The following WDFY2 variants were observed in gnomAD, a reference collection of about 807,000 sequenced individuals.
WDFY2 encodes the protein WD repeat and FYVE domain-containing protein 2.
In WDFY2, 36 loss-of-function variants were observed where a neutral mutation model predicts 56.4. The observed-to-expected ratio is 0.64, with a 90% CI of 0.49 to 0.84. The LOEUF is 0.84. WDFY2 is among the 40% of genes least tolerant of loss of function. WDFY2 has a pLI of 0.00. For synonymous variants in WDFY2, 176 were observed against 183.7 expected, an observed-to-expected ratio of 0.96 and a Z score of 0.34; for missense variants, 444 against 512.2, an observed-to-expected ratio of 0.87 and a Z score of 1.29.
rs201550578 is a variant in WDFY2, at chr13:51,629,798, A to AT, written c.138-30789dup. On this transcript the variant is annotated intron_variant, in intron 1 of 11. Transcript: ENST00000298125. The stretch of plus-strand genomic sequence containing the variant: ...AGTAACGGTTCTCTTTAGTTCTTTG[A>AT]TTTTTTTTTCTTTTCTTTCTTTCTT... 1.9e-3 allele frequency among the ~76,000 whole-genome samples: 213 copies of AT among 109,962 alleles called. 1 individual carries two copies. Among genetic ancestry groups the AT allele is most frequent in the African/African-American group, 6.0e-3 (178 of 29,862 alleles). The allele number at this position is 109,962 out of a possible 152,430, so 72.1% of individuals were successfully genotyped here.
At chr13:51,657,633 T>C (rs181507066) in intron 1 of WDFY2, among the ~76,000 whole-genome samples, 8 of 152,298 alleles carry the variant, frequency 5.3e-5, no homozygotes, top group African/African-American at 1.9e-4. Context: ...ACGCTCTGTT[T>C]GTTATTCTTT....
At chr13:51,697,071 T>C (rs1297584674) in intron 3 of WDFY2, among the ~76,000 whole-genome samples, 1 of 152,204 alleles carries the variant, frequency 6.6e-6, no homozygotes, top group Non-Finnish European at 1.5e-5. Context: ...TTTAATTCTA[T>C]TTTTATCTAA....
intron 1 of WDFY2, among the ~76,000 whole-genome samples, chr13:51,637,046 C>T (rs1029007731): frequency 6.6e-6 from 1 of 152,170 alleles, no homozygotes; most frequent in Non-Finnish European, 1.5e-5. Context: ...AACAAGATCC[C>T]TAGGTTATTC....
At chr13:51,642,544 G>A (rs369969993) in intron 1 of WDFY2, among the ~76,000 whole-genome samples, 3 of 151,992 alleles carry the variant, frequency 2.0e-5, no homozygotes, top group South Asian at 2.1e-4. Flanking sequence ...GTGATCCACC[G>A]TGGCCTCCCA....
At chr13:51,612,515 T>C (rs1438815462) in intron 1 of WDFY2, among the ~76,000 whole-genome samples, 2 of 152,228 alleles carry the variant, frequency 1.3e-5, no homozygotes, top group African/African-American at 4.8e-5. Flanking sequence ...GTTTTATAGG[T>C]ACACATTTCA....
At chr13:51,625,050 T>C (rs1294588428) in intron 1 of WDFY2, among the ~76,000 whole-genome samples, 1 of 152,172 alleles carries the variant, frequency 6.6e-6, no homozygotes, top group Non-Finnish European at 1.5e-5. Context: ...CTCATTTTGG[T>C]AGTATCAACT....
At chr13:51,666,581 T>C (rs1300138602) in intron 2 of WDFY2, among the ~76,000 whole-genome samples, 4 of 152,144 alleles carry the variant, frequency 2.6e-5, no homozygotes, top group Admixed American at 6.5e-5. Flanking sequence ...TAATTTTCCA[T>C]GTGTATTATG....
chr13:51,736,085 G>A (rs1952827966), intron 6 of WDFY2, among the ~76,000 whole-genome samples: 1 of 152,108 alleles, frequency 6.6e-6, no homozygotes, highest in Non-Finnish European at 1.5e-5. Context: ...AAGCTGACTG[G>A]CCTTAAGGCT....
Position 51,678,382 on chromosome 13 carries a change from T to C in WDFY2, c.279+3139T>C, listed in dbSNP as rs148821312. Among the ~76,000 whole-genome samples the C allele has an allele frequency of 3.1e-3, 467 of 152,328 alleles. 3 individuals are homozygous for C. The highest frequency in any genetic ancestry group is 0.011 in the African/African-American group (449 of 41,564). On this transcript the variant is annotated intron_variant, in intron 3 of 11. Transcript: ENST00000298125. ...TTTATTGACTAAAGTATAAACACTATTATTATTTAATATAGCTGATTGTAG... is the reference window on the plus strand; with the variant it reads ...TTTATTGACTAAAGTATAAACACTACTATTATTTAATATAGCTGATTGTAG...
At chr13:51,670,799 G>A (rs1324386881) in intron 2 of WDFY2, among the ~76,000 whole-genome samples, 1 of 151,972 alleles carries the variant, frequency 6.6e-6, no homozygotes, top group Non-Finnish European at 1.5e-5. Context: ...CTTTACTGGT[G>A]ATTTCTGAGA....
intron 1 of WDFY2, among the ~76,000 whole-genome samples, chr13:51,585,297 C>T (rs1330322828): frequency 6.6e-6 from 1 of 152,258 alleles, no homozygotes; most frequent in African/African-American, 2.4e-5. Flanking sequence ...GACATTCCTA[C>T]TGAATCCAGA....
intron 1 of WDFY2, among the ~76,000 whole-genome samples, chr13:51,608,492 A>T (rs1954425911): frequency 6.6e-6 from 1 of 152,128 alleles, no homozygotes; most frequent in Admixed American, 6.5e-5. Context: ...GACCAGCCTG[A>T]CCAATATGGT....
intron 3 of WDFY2, among the ~76,000 whole-genome samples, chr13:51,686,075 C>T (rs1317158627): frequency 6.6e-6 from 1 of 152,128 alleles, no homozygotes; most frequent in African/African-American, 2.4e-5. Context: ...GTAGAGCTTT[C>T]TCAGAGTTTG....
chr13:51,701,816 C>A (rs1012896274), intron 3 of WDFY2, among the ~76,000 whole-genome samples: 2 of 152,124 alleles, frequency 1.3e-5, no homozygotes, highest in African/African-American at 2.4e-5. Context: ...TCAGAAAACA[C>A]TTGGCCAGAT....
At chr13:51,727,941 G>T in intron 6 of WDFY2, 151 bp downstream of exon 6, 1 of 656,850 alleles carries the variant, frequency 1.5e-6, no homozygotes, top group Non-Finnish European at 2.5e-6. Context: ...ATTTCAAAAT[G>T]GTTCAGTAAG....
chr13:51,618,561 T>C (rs764388827), intron 1 of WDFY2, among the ~76,000 whole-genome samples: 3 of 152,254 alleles, frequency 2.0e-5, no homozygotes, highest in Non-Finnish European at 2.9e-5. Flanking sequence ...TGGATAACTT[T>C]ATAATTAATG....
At chr13:51,676,049 T>A (rs1955881929) in intron 3 of WDFY2, among the ~76,000 whole-genome samples, 1 of 152,148 alleles carries the variant, frequency 6.6e-6, no homozygotes, top group African/African-American at 2.4e-5. Context: ...CCCCACAGGG[T>A]GGAGGATCTG....
chr13:51,616,212 G>T (rs1164447728), intron 1 of WDFY2, among the ~76,000 whole-genome samples: 1 of 152,114 alleles, frequency 6.6e-6, no homozygotes, highest in African/African-American at 2.4e-5. Context: ...GCTCCAGCCT[G>T]GGCAACAGAA....
chr13:51,765,295 C>T lies in WDFY2; in HGVS notation c.*5526C>T, dbSNP rs538472720. ...TTCTTAACCAAGAACCACGTCAACC[C>T]TCCAGGGTTGTGGTTTGTATTTTTG... On this transcript the variant is annotated 3_prime_UTR_variant, in exon 12 of 12. Coordinates refer to ENST00000298125, the MANE Select transcript of WDFY2 (RefSeq NM_052950.4). The T allele has an allele frequency of 2.0e-5, 3 of 152,336 alleles. No individual in the cohort carries two copies. Among genetic ancestry groups the T allele is most frequent in the African/African-American group, 7.2e-5 (3 of 41,574 alleles). The allele number at this position is 152,336 out of a possible 1,614,324, so 9.4% of individuals were successfully genotyped here. A position where few individuals can be genotyped will look rare whatever the true frequency, so the allele number is the denominator to read the frequency against.
Sources: allele counts gnomAD v4.1 joint callset (sites outside exome capture counted in the v4.1 genomes callset), GRCh38; gene constraint gnomAD v4.1.1; transcripts MANE v1.5; gene names NCBI Gene and HGNC (gene_info 2026-07-23, HGNC 2026-07-21).